The following GRAMD1B variants were observed in gnomAD, a reference collection of about 807,000 sequenced individuals.
GRAMD1B encodes the protein GRAM domain containing 1B, also known as protein Aster-B.
Under a neutral mutation model 99.7 loss-of-function variants are expected in GRAMD1B, and 37 were observed. The observed-to-expected ratio is 0.37, with a 90% CI of 0.29 to 0.49. The LOEUF is 0.49. Ranked by LOEUF, GRAMD1B falls within the 20% of genes least tolerant of loss-of-function variation. GRAMD1B has a pLI of 0.98. For missense variants in GRAMD1B, 888 were observed against 1,009.2 expected (o/e 0.88, Z 1.63); for synonymous variants, 427 against 387.6 (o/e 1.10, Z -1.19).
chr11:123,384,306 T>G (rs1438834268), intron 1 of GRAMD1B, among the ~76,000 whole-genome samples: 1 of 152,224 alleles, frequency 6.6e-6, no homozygotes, highest in Non-Finnish European at 1.5e-5. Context: ...CTAATTAATT[T>G]CCCAAATGCC....
rs1171608927 is a variant in GRAMD1B, at chr11:123,430,832, G to T, written c.40G>T (p.Ala14Ser). 2 of 697,778 alleles carry T rather than the reference G, an allele frequency of 2.9e-6. No individual in the cohort carries two copies. Among genetic ancestry groups the T allele is most frequent in the Non-Finnish European group, 5.2e-6 (2 of 382,720 alleles). 43.2% of individuals were successfully genotyped at this position (697,778 alleles called of 1,614,324 possible). A position where few individuals can be genotyped will look rare whatever the true frequency, so the allele number is the denominator to read the frequency against. ...ANMMENRPLP[A>S]LQVPEPQGAP... ...CATGATGGAGAACCGGCCGCTGCCC[G>T]CCCTGCAGGTGCCCGAGCCGCAGGG... Residue 14 changes from alanine (A) to serine (S), a missense_variant, in exon 1 of 20, where the codon GCC (alanine) becomes TCC (serine). Around this residue, in one of 5 missense-constraint regions of GRAMD1B, gnomAD observed 233 missense variants for 154.6 expected, o/e 1.51. Transcript: ENST00000635736.
intron 3 of GRAMD1B, 76 bp from the exon 4 acceptor site, chr11:123,584,236 T>G: frequency 1.3e-6 from 1 of 782,642 alleles, no homozygotes; most frequent in Non-Finnish European, 2.2e-6. Flanking sequence ...CCGCTGTCTG[T>G]GTGCCCTTCC....
intron 2 of GRAMD1B, among the ~76,000 whole-genome samples, chr11:123,538,505 A>G (rs906583831): frequency 6.6e-6 from 1 of 152,064 alleles, no homozygotes; most frequent in Non-Finnish European, 1.5e-5. Flanking sequence ...CAACACCTCA[A>G]AAAGAATCCC....
Position 123,480,904 on chromosome 11 carries a change from A to G in GRAMD1B, c.452+11A>G. Reference sequence around the variant, plus strand: ...AGCGCGGGAAGAAAGGTAAGGTCCAACTCCGAGGGCGAGATGGGGGCAAAG... The same window carrying G: ...AGCGCGGGAAGAAAGGTAAGGTCCAGCTCCGAGGGCGAGATGGGGGCAAAG... On this transcript the variant is annotated intron_variant, in intron 2 of 19. Transcript: ENST00000635736. 1 of 366,280 alleles carries G rather than the reference A, an allele frequency of 2.7e-6. No individual in the cohort carries two copies. 22.7% of individuals were successfully genotyped at this position (366,280 alleles called of 1,614,324 possible).
At chr11:123,616,254 A>G (rs1042416072) in intron 17 of GRAMD1B, among the ~76,000 whole-genome samples, 21 of 152,180 alleles carry the variant, frequency 1.4e-4, no homozygotes, top group Non-Finnish European at 2.5e-4. Context: ...CCCGGGAGGT[A>G]GAGCTTGCAG....
At chr11:123,433,969 C>A (rs1216061462) in intron 1 of GRAMD1B, among the ~76,000 whole-genome samples, 1 of 152,038 alleles carries the variant, frequency 6.6e-6, no homozygotes, top group African/African-American at 2.4e-5. Flanking sequence ...GTGGCTCACG[C>A]CTGTAATCCT....
intron 1 of GRAMD1B, among the ~76,000 whole-genome samples, chr11:123,456,784 G>T (rs1038397754): frequency 4.0e-5 from 6 of 151,886 alleles, no homozygotes; most frequent in Admixed American, 3.9e-4. Flanking sequence ...GCCAGGTGTG[G>T]TGGTGCACAC....
chr11:123,567,729 G>T (rs1947548281), intron 2 of GRAMD1B, among the ~76,000 whole-genome samples: 1 of 152,152 alleles, frequency 6.6e-6, no homozygotes, highest in Non-Finnish European at 1.5e-5. Context: ...GGGGGAGTGG[G>T]ATGGATGGAG....
intron 2 of GRAMD1B, among the ~76,000 whole-genome samples, chr11:123,528,244 A>G (rs1200334848): frequency 6.6e-6 from 1 of 152,210 alleles, no homozygotes; most frequent in Non-Finnish European, 1.5e-5. Context: ...TCCAACAAGG[A>G]GACTTGATAG....
At chr11:123,554,359 A>G (rs1431585416) in intron 2 of GRAMD1B, among the ~76,000 whole-genome samples, 1 of 152,056 alleles carries the variant, frequency 6.6e-6, no homozygotes, top group Non-Finnish European at 1.5e-5. Context: ...ATAAGACAGA[A>G]ACCACACCAA....
At chr11:123,594,908 T>C in intron 6 of GRAMD1B, 70 bp downstream of exon 6, 1 of 815,280 alleles carries the variant, frequency 1.2e-6, no homozygotes, top group Middle Eastern at 2.2e-4. Context: ...CTCGCTTTCT[T>C]CCTTTTGCTG....
At chr11:123,418,861 A>G (rs1246102431) in intron 1 of GRAMD1B, among the ~76,000 whole-genome samples, 1 of 152,132 alleles carries the variant, frequency 6.6e-6, no homozygotes, top group Non-Finnish European at 1.5e-5. Context: ...TTTCATTCAT[A>G]GACACTTACT....
At chr11:123,411,481 CATA>C (rs1006386312) in intron 1 of GRAMD1B, among the ~76,000 whole-genome samples, 10 of 152,080 alleles carry the variant, frequency 6.6e-5, no homozygotes, top group African/African-American at 2.4e-4. Context: ...CTCTCGAAAT[CATA>C]ATGTCAGCTC....
At chr11:123,605,676 A>G (rs1952616303) in intron 10 of GRAMD1B, among the ~76,000 whole-genome samples, 198 bp downstream of exon 10, 1 of 152,186 alleles carries the variant, frequency 6.6e-6, no homozygotes, top group Admixed American at 6.5e-5. Flanking sequence ...AGCTGGGGCT[A>G]GGTGCCTGGG....
intron 18 of GRAMD1B, among the ~76,000 whole-genome samples, 151 bp downstream of exon 18, chr11:123,618,951 A>G (rs1303661393): frequency 6.6e-6 from 1 of 152,140 alleles, no homozygotes; most frequent in Non-Finnish European, 1.5e-5. Flanking sequence ...CTATAGTTTC[A>G]GCCCACTTCT....
At chr11:123,455,807 GCAGGGA>G (rs1258438317) in intron 1 of GRAMD1B, among the ~76,000 whole-genome samples, 1 of 152,136 alleles carries the variant, frequency 6.6e-6, no homozygotes, top group Non-Finnish European at 1.5e-5. Flanking sequence ...GTCCTTGAGA[GCAGGGA>G]CCTTTGCCCC....
At chr11:123,482,102 A>C (rs968438748) in intron 2 of GRAMD1B, among the ~76,000 whole-genome samples, 1 of 147,324 alleles carries the variant, frequency 6.8e-6, no homozygotes, top group African/African-American at 2.5e-5. Context: ...TTAATTTTTA[A>C]TTTTTTTTTT....
At chr11:123,423,935 T>C (rs553006429) in intron 1 of GRAMD1B, among the ~76,000 whole-genome samples, 2 of 152,144 alleles carry the variant, frequency 1.3e-5, no homozygotes, top group Non-Finnish European at 2.9e-5. Flanking sequence ...AGTGTAGCCA[T>C]GCAATAAACG....
chr11:123,516,216 G>A (rs1334916789), intron 2 of GRAMD1B, among the ~76,000 whole-genome samples: 1 of 152,172 alleles, frequency 6.6e-6, no homozygotes. Flanking sequence ...GCATGGAAAA[G>A]CATTTACTGA....
Sources: allele counts gnomAD v4.1 joint callset (sites outside exome capture counted in the v4.1 genomes callset), GRCh38; gene constraint gnomAD v4.1.1; regional missense constraint gnomAD v4.1.1; transcripts MANE v1.5; gene names NCBI Gene and HGNC (gene_info 2026-07-23, HGNC 2026-07-21).